Variants in MMP24 observed in about 807,000 individuals in gnomAD.
The protein encoded by MMP24 is matrix metalloproteinase-24.
MMP24 carries 25 observed loss-of-function variants against 62.8 expected under a neutral mutation model. The observed-to-expected ratio is 0.40, with a 90% confidence interval of 0.29 to 0.56. MMP24 has a LOEUF of 0.56. Ranked by LOEUF, MMP24 falls within the 20% of genes least tolerant of loss-of-function variation. The pLI is 0.50. For synonymous variants in MMP24, 319 were observed against 350.5 expected, an observed-to-expected ratio of 0.91 and a Z score of 1.00; for missense variants, 634 against 853.6, an observed-to-expected ratio of 0.74 and a Z score of 3.21.
At position 35,269,041 on chromosome 20, in the gene MMP24, G is replaced by C. The variant is rs1486409399; in HGVS notation, c.1195-719G>C. 7.2e-6 allele frequency among the ~76,000 whole-genome samples: 1 copy of C among 138,302 alleles called. No homozygotes were observed. Among genetic ancestry groups the C allele is most frequent in the Admixed American group, 7.1e-5 (1 of 14,066 alleles). The allele number at this position is 138,302 out of a possible 152,430, so 90.7% of individuals were successfully genotyped here. On this transcript the variant is annotated intron_variant, in intron 6 of 8. Transcript: ENST00000246186. This position sits in a 1 kb window ranked among gnomAD's most constrained non-coding sequence, Gnocchi z 4.6. ...GACTCCATCTAAAAAAAAAAAAAAA[G>C]AAAGAAAACTGAGGCCTGGAGGCTA... is the stretch of plus-strand genomic sequence containing the variant.
chr20:35,249,884 T>C (rs2060535762), intron 2 of MMP24, among the ~76,000 whole-genome samples: 1 of 152,080 alleles, frequency 6.6e-6, no homozygotes, highest in African/African-American at 2.4e-5. Flanking sequence ...TGAGCCACCG[T>C]GCCTGGCCCG....
chr20:35,238,012 C>T (rs1277314223), intron 1 of MMP24, among the ~76,000 whole-genome samples: 1 of 152,190 alleles, frequency 6.6e-6, no homozygotes, highest in African/African-American at 2.4e-5. Context: ...TCTTAGGCCA[C>T]CATTCATGCC....
In MMP24 at chr20:35,268,437, G is replaced by T. The variant is rs369602100; in HGVS notation, c.1194+1018G>T. ...CCAGCACGCACTGAGCACTGCGCAG[G>T]AATCGGGCAGCGTGAGTCAGCCCCA... On this transcript the variant is annotated intron_variant, in intron 6 of 8. Transcript: ENST00000246186. Among the ~76,000 whole-genome samples the T allele has an allele frequency of 8.5e-5, 13 of 152,342 alleles. No homozygotes were observed. In the East Asian group the frequency reaches 2.5e-3, roughly 29 times the overall value.
intron 3 of MMP24, among the ~76,000 whole-genome samples, chr20:35,252,825 G>A (rs2060554300): frequency 6.7e-6 from 1 of 148,686 alleles, no homozygotes. Context: ...ACAGGCTCAG[G>A]TGGGGCTGGG....
chr20:35,264,374 T>C (rs1284715969), intron 5 of MMP24, among the ~76,000 whole-genome samples: 3 of 152,120 alleles, frequency 2.0e-5, no homozygotes, highest in Non-Finnish European at 2.9e-5. Context: ...ATGGGGACTA[T>C]AACCAGAGCT....
Position 35,275,709 on chromosome 20 carries a change from A to C in MMP24, c.*1100A>C. 3.9e-6 allele frequency: 1 copy of C among 255,512 alleles called. No homozygotes were observed. The allele number at this position is 255,512 out of a possible 1,614,324, so 15.8% of individuals were successfully genotyped here. A position where few individuals can be genotyped will look rare whatever the true frequency, so the allele number is the denominator to read the frequency against. ...GTCTGAAGTGCTCAGTGCCCCCACT[A>C]CTCTGAGGCCGACTCCAGCTACTCT... is the stretch of plus-strand genomic sequence containing the variant. On this transcript the variant is annotated 3_prime_UTR_variant, in exon 9 of 9. Coordinates refer to ENST00000246186, the MANE Select transcript of MMP24 (RefSeq NM_006690.4).
Position 35,271,905 on chromosome 20 carries a change from C to T in MMP24, c.1600+70C>T. The T allele has an allele frequency of 6.7e-7, 1 of 1,494,348 alleles. No individual in the cohort carries two copies. Among genetic ancestry groups the T allele is most frequent in the African/African-American group, 1.4e-5 (1 of 72,154 alleles). 92.6% of individuals were successfully genotyped at this position (1,494,348 alleles called of 1,614,324 possible). On this transcript the variant is annotated intron_variant, in intron 8 of 8. Coordinates refer to ENST00000246186, the MANE Select transcript of MMP24 (RefSeq NM_006690.4). This position sits in a 1 kb window ranked among gnomAD's most constrained non-coding sequence, Gnocchi z 4.0. ...TGTGGTCCTCACCAGTGCCCACGGG[C>T]ATACTCAGTGCCCATGGGCGTCCAG...
chr20:35,258,946 G>A (rs1415504951), intron 4 of MMP24, among the ~76,000 whole-genome samples: 3 of 151,456 alleles, frequency 2.0e-5, no homozygotes, highest in East Asian at 1.9e-4. Flanking sequence ...TTGGGAGGCC[G>A]AGGGGGGGCA....
chr20:35,246,168 G>A (rs1024278944), intron 1 of MMP24, among the ~76,000 whole-genome samples: 3 of 151,740 alleles, frequency 2.0e-5, no homozygotes, highest in African/African-American at 7.3e-5. Context: ...GGAATCAGCC[G>A]TGCTGGCCGG....
Position 35,269,005 on chromosome 20 carries a change from T to C in MMP24, c.1195-755T>C, listed in dbSNP as rs897242107. On this transcript the variant is annotated intron_variant, in intron 6 of 8. Coordinates refer to ENST00000246186, the MANE Select transcript of MMP24 (RefSeq NM_006690.4). This position sits in a 1 kb window ranked among gnomAD's most constrained non-coding sequence, Gnocchi z 4.6. ...TTGCGCCACTGCACTCCAGCCTGGG[T>C]GACAGAGCGAGACTCCATCTAAAAA... Among the ~76,000 whole-genome samples, 23 of 137,588 alleles carry C rather than the reference T, an allele frequency of 1.7e-4. No homozygotes were observed. The highest frequency in any genetic ancestry group is 2.9e-4 in the Non-Finnish European group (19 of 64,652). 90.3% of individuals were successfully genotyped at this position (137,588 alleles called of 152,430 possible). A position where few individuals can be genotyped will look rare whatever the true frequency, so the allele number is the denominator to read the frequency against.
chr20:35,254,500 T>C lies in MMP24; in HGVS notation c.563T>C (p.Ile188Thr). Residue 188 changes from isoleucine (I) to threonine (T), a missense_variant, in exon 4 of 9, where the codon ATT (isoleucine) becomes ACT (threonine). Physicochemically the swap from Ile to Thr is moderately conservative, Grantham distance 89. This residue lies in a region of MMP24 where 212 missense variants were observed against 259.6 expected (regional missense o/e 0.82). Transcript: ENST00000246186. ...KVGELDTRKA[I>T]RQAFDVWQKV... ...GGTGAGCTAGACACGCGGAAAGCTA[T>C]TCGCCAGGCTTTCGATGTGTGGCAG... 6.2e-7 allele frequency: 1 copy of C among 1,614,064 alleles called. No homozygotes were observed. Among genetic ancestry groups the C allele is most frequent in the Non-Finnish European group, 8.5e-7 (1 of 1,179,902 alleles).
intron 6 of MMP24, chr20:35,267,927 G>T (rs565156214): frequency 6.4e-6 from 1 of 155,464 alleles, no homozygotes; most frequent in South Asian, 2.0e-4. Context: ...GGACTGACAG[G>T]GTGGCAGTCT....
chr20:35,248,556 C>T (rs1481363948), intron 2 of MMP24, among the ~76,000 whole-genome samples: 1 of 152,138 alleles, frequency 6.6e-6, no homozygotes, highest in African/African-American at 2.4e-5. Context: ...GATCGGCCCA[C>T]CTCGGCCTCC....
Position 35,276,466 on chromosome 20 carries a change from G to A in MMP24, c.*1857G>A, listed in dbSNP as rs535116879. 13 of 396,800 alleles carry A rather than the reference G, an allele frequency of 3.3e-5. No individual in the cohort carries two copies. The highest frequency in any genetic ancestry group is 4.4e-5 in the Admixed American group (1 of 22,668). 24.6% of individuals were successfully genotyped at this position (396,800 alleles called of 1,614,324 possible). On this transcript the variant is annotated 3_prime_UTR_variant, in exon 9 of 9. Coordinates refer to ENST00000246186, the MANE Select transcript of MMP24 (RefSeq NM_006690.4). ...ACCGTGCCCTCAGATGAAGCACAGAGAGGTTGTTACTTGCCCGGGCCATCC... is the reference window on the plus strand; with the variant it reads ...ACCGTGCCCTCAGATGAAGCACAGAAAGGTTGTTACTTGCCCGGGCCATCC...
intron 4 of MMP24, chr20:35,255,925 G>A (rs1161434204): frequency 6.6e-6 from 1 of 152,200 alleles, no homozygotes; most frequent in African/African-American, 2.4e-5. Flanking sequence ...AGTCAGTCTA[G>A]CAGGGGAGTT....
Position 35,275,757 on chromosome 20 carries a change from T to A in MMP24, c.*1148T>A, listed in dbSNP as rs2060700758. On this transcript the variant is annotated 3_prime_UTR_variant, in exon 9 of 9. Transcript: ENST00000246186. ...TCTGAGGCCGACTCAATCTCTCGGC[T>A]GGAAGCAGTGTTTTCCCAGAGCTTG... 1 of 358,464 alleles carries A rather than the reference T, an allele frequency of 2.8e-6. No homozygotes were observed. The highest frequency in any genetic ancestry group is 5.0e-6 in the Non-Finnish European group (1 of 201,102). 22.2% of individuals were successfully genotyped at this position (358,464 alleles called of 1,614,324 possible). A position where few individuals can be genotyped will look rare whatever the true frequency, so the allele number is the denominator to read the frequency against.
intron 2 of MMP24, among the ~76,000 whole-genome samples, chr20:35,251,064 A>T (rs948383135): frequency 2.0e-5 from 3 of 152,060 alleles, no homozygotes; most frequent in Non-Finnish European, 4.4e-5. Context: ...AACACAATAT[A>T]ATAAGTGCTG....
At chr20:35,238,123 G>A (rs947998393) in intron 1 of MMP24, among the ~76,000 whole-genome samples, 1 of 152,192 alleles carries the variant, frequency 6.6e-6, no homozygotes, top group African/African-American at 2.4e-5. Flanking sequence ...CAAGGTGAGG[G>A]ACTCAGAGAT....
intron 5 of MMP24, among the ~76,000 whole-genome samples, chr20:35,265,191 A>G (rs2060626481): frequency 6.6e-6 from 1 of 152,210 alleles, no homozygotes; most frequent in African/African-American, 2.4e-5. Flanking sequence ...GCAGCTCAAA[A>G]TTCTAGGCTG....
Sources: allele counts gnomAD v4.1 joint callset (sites outside exome capture counted in the v4.1 genomes callset), GRCh38; gene constraint gnomAD v4.1.1; regional missense constraint gnomAD v4.1.1; non-coding constraint Gnocchi (gnomAD v3.1); transcripts MANE v1.5; gene names NCBI Gene and HGNC (gene_info 2026-07-23, HGNC 2026-07-21).